Variants in GPI observed in about 807,000 individuals in gnomAD.
GPI encodes the protein glucose-6-phosphate isomerase.
GPI carries 56 observed loss-of-function variants against 75.8 expected under a neutral mutation model. That is an observed-to-expected ratio of 0.74 (90% CI 0.60 to 0.92). GPI has a LOEUF of 0.92. GPI is among the 40% of genes least tolerant of loss of function. GPI has a pLI of 0.00. For synonymous variants in GPI, 288 were observed against 285.4 expected, an observed-to-expected ratio of 1.01 and a Z score of -0.09; for missense variants, 638 against 741.0, an observed-to-expected ratio of 0.86 and a Z score of 1.61.
At position 34,399,938 on chromosome 19, in the gene GPI, C is replaced by G. The variant is rs146468881; in HGVS notation, c.1579C>G (p.Pro527Ala). The G allele has an allele frequency of 1.1e-5, 18 of 1,613,806 alleles. No homozygotes were observed. In the Middle Eastern group the frequency reaches 1.3e-3, roughly 118 times the overall value. The stretch of plus-strand genomic sequence containing the variant: ...AAAGCAGCTGGCTAAGAAAATAGAG[C>G]CTGAGCTTGATGGCAGTGCTCAAGT... ...LGKQLAKKIE[P>A]ELDGSAQVTS... is the part of the protein sequence containing the mutation. Residue 527 changes from proline to alanine, a missense_variant, in exon 18 of 18, where the codon CCT (proline) becomes GCT (alanine). Transcript: ENST00000356487.
upstream of GPI, among the ~76,000 whole-genome samples, chr19:34,360,216 C>T (rs1341162938): frequency 2.0e-5 from 3 of 152,144 alleles, no homozygotes; most frequent in East Asian, 5.8e-4. Context: ...CCTGGGGATT[C>T]TGAGCCCTAA....
At position 34,399,736 on chromosome 19, in the gene GPI, A is replaced by G; in HGVS notation, c.1492A>G (p.Ile498Val). The G allele has an allele frequency of 6.2e-7, 1 of 1,613,966 alleles. No individual in the cohort carries two copies. The highest frequency in any genetic ancestry group is 8.5e-7 in the Non-Finnish European group (1 of 1,180,002). Residue 498 changes from isoleucine to valine, a missense_variant, in exon 17 of 18, where the codon ATC (isoleucine) becomes GTC (valine). Coordinates refer to ENST00000356487, the MANE Select transcript of GPI (RefSeq NM_000175.5). The part of the protein sequence containing the change: ...GALVAMYEHK[I>V]FVQGIIWDIN... Reference sequence around the variant, plus strand: ...TTCTGCAGCCATGTATGAGCACAAGATCTTCGTTCAGGGCATCATCTGGGA... The same window carrying G: ...TTCTGCAGCCATGTATGAGCACAAGGTCTTCGTTCAGGGCATCATCTGGGA...
At chr19:34,370,213 A>C (rs374839292) in intron 4 of GPI, among the ~76,000 whole-genome samples, 1 of 152,120 alleles carries the variant, frequency 6.6e-6, no homozygotes, top group East Asian at 1.9e-4. Context: ...CTCAGTGTCT[A>C]CCCTAGCGGT....
chr19:34,383,375 T>C (rs773334443), intron 9 of GPI, among the ~76,000 whole-genome samples: 1 of 152,110 alleles, frequency 6.6e-6, no homozygotes, highest in Non-Finnish European at 1.5e-5. Flanking sequence ...GCCAAAGCTA[T>C]GTATGTGCAT....
At chr19:34,364,175 A>G (rs1465435309), upstream of GPI, among the ~76,000 whole-genome samples, 1 of 150,924 alleles carries the variant, frequency 6.6e-6, no homozygotes, top group African/African-American at 2.4e-5. Context: ...GCAGATATGC[A>G]CCACCACATG....
intron 4 of GPI, among the ~76,000 whole-genome samples, chr19:34,371,414 A>T (rs1465825529): frequency 1.2e-4 from 18 of 152,332 alleles, no homozygotes; most frequent in African/African-American, 4.1e-4. Flanking sequence ...CCTGGGCACC[A>T]ATAGGGATTA....
In GPI at chr19:34,394,086, GC is replaced by G. The variant is rs773358308; in HGVS notation, c.1062+22del. ...CAGCAGGTACCAGCTGCCAAGCCAG[GC>G]CTTGGAGTCAGCAAGATTTGTGGGG... is the stretch of plus-strand genomic sequence containing the variant. On this transcript the variant is annotated intron_variant, in intron 12 of 17. Coordinates refer to ENST00000356487, the MANE Select transcript of GPI (RefSeq NM_000175.5). 1 of 1,602,364 alleles carries G rather than the reference GC, an allele frequency of 6.2e-7. No individual in the cohort carries two copies. The highest frequency in any genetic ancestry group is 2.2e-5 in the East Asian group (1 of 44,836).
upstream of GPI, among the ~76,000 whole-genome samples, chr19:34,360,377 G>A (rs2074294957): frequency 6.6e-6 from 1 of 152,194 alleles, no homozygotes; most frequent in South Asian, 2.1e-4. Flanking sequence ...AAGATCTCTT[G>A]AAGCCAGGAA....
At chr19:34,388,304 C>T (rs2074768731) in intron 9 of GPI, among the ~76,000 whole-genome samples, 1 of 152,128 alleles carries the variant, frequency 6.6e-6, no homozygotes, top group South Asian at 2.1e-4. Flanking sequence ...CGGTGAAACC[C>T]CATCTCCTAA....
chr19:34,378,805 G>C, intron 6 of GPI, 129 bp from the exon 7 acceptor site: 1 of 747,650 alleles, frequency 1.3e-6, no homozygotes, highest in African/African-American at 1.7e-5. Context: ...TGGCGTCACT[G>C]TCACTGACCT....
In GPI at chr19:34,399,120, C is replaced by T. The variant is rs2074984889; in HGVS notation, c.1270-87C>T. ...AGCGAGTGACCCAGGCTGGGACTGA[C>T]CCCTGCTGAGAAGTACCAGGCGGTC... On this transcript the variant is annotated intron_variant, in intron 14 of 17. Transcript: ENST00000356487. The T allele has an allele frequency of 3.7e-6, 5 of 1,354,674 alleles. No homozygotes were observed. In the Admixed American group the frequency reaches 7.2e-5, roughly 20 times the overall value. The allele number at this position is 1,354,674 out of a possible 1,614,324, so 83.9% of individuals were successfully genotyped here.
intron 4 of GPI, among the ~76,000 whole-genome samples, chr19:34,376,222 G>C (rs755470326): frequency 6.6e-6 from 1 of 152,124 alleles, no homozygotes; most frequent in Non-Finnish European, 1.5e-5. Context: ...CCAGGAGTTA[G>C]AGACCAGGCT....
In GPI at chr19:34,399,989, G is replaced by A; in HGVS notation, c.1630G>A (p.Gly544Arg). 6.2e-7 allele frequency: 1 copy of A among 1,613,734 alleles called. No individual in the cohort carries two copies. Among genetic ancestry groups the A allele is most frequent in the Non-Finnish European group, 8.5e-7 (1 of 1,179,966 alleles). The change falls in exon 18 of 18, where the codon GGG becomes AGG. Residue 544 changes from glycine to arginine, a missense_variant. Coordinates refer to ENST00000356487, the MANE Select transcript of GPI (RefSeq NM_000175.5). ...QVTSHDASTN[G>R]LINFIKQQRE... ...GACCTCTCACGACGCTTCTACCAAT[G>A]GGCTCATCAACTTCATCAAGCAGCA...
chr19:34,381,536 C>T lies in GPI; in HGVS notation c.804+17C>T. On this transcript the variant is annotated intron_variant, in intron 9 of 17. Transcript: ENST00000356487. The stretch of plus-strand genomic sequence containing the variant: ...TTCTGGGATGTAAGTACAAGCACTT[C>T]TGCACTGGGTGAATTAAGTGTCCTT... The T allele has an allele frequency of 6.4e-7, 1 of 1,561,802 alleles. No individual in the cohort carries two copies. Among genetic ancestry groups the T allele is most frequent in the Non-Finnish European group, 8.8e-7 (1 of 1,132,658 alleles).
chr19:34,383,500 C>T (rs1280946284), intron 9 of GPI, among the ~76,000 whole-genome samples: 3 of 152,148 alleles, frequency 2.0e-5, no homozygotes, highest in African/African-American at 7.2e-5. Context: ...TGGCTGATTG[C>T]ACAAGTTTAG....
intron 12 of GPI, 121 bp from the exon 13 acceptor site, chr19:34,396,180 C>T (rs1008613230): frequency 2.3e-5 from 24 of 1,046,950 alleles, no homozygotes; most frequent in African/African-American, 3.1e-5. Context: ...TCAGGTGATC[C>T]GCCTGCCTTG....
intron 9 of GPI, among the ~76,000 whole-genome samples, chr19:34,383,686 T>C (rs2074689426): frequency 6.6e-6 from 1 of 152,108 alleles, no homozygotes; most frequent in East Asian, 1.9e-4. Context: ...CCTGGTGATA[T>C]GAGGCAAGGA....
At position 34,386,973 on chromosome 19, in the gene GPI, A is replaced by G. The variant is rs79948788; in HGVS notation, c.804+5454A>G. 5.5e-3 allele frequency among the ~76,000 whole-genome samples: 839 copies of G among 152,298 alleles called. 24 individuals carry two copies. Among genetic ancestry groups the G allele is most frequent in the East Asian group, 0.049 (255 of 5,168 alleles). ...GTGCTGACGTTAAGCAGAGATTGGC[A>G]GCATTGGATCTGTCTGTGAGACATG... is the stretch of plus-strand genomic sequence containing the variant. On this transcript the variant is annotated intron_variant, in intron 9 of 17. Coordinates refer to ENST00000356487, the MANE Select transcript of GPI (RefSeq NM_000175.5).
chr19:34,399,534 C>T (rs757919286), intron 15 of GPI, 22 bp from the exon 16 acceptor site: 1 of 1,610,272 alleles, frequency 6.2e-7, no homozygotes. Context: ...CTCTTGGAGA[C>T]ATTCCTTGGT....
Sources: gnomAD v4.1 joint callset for allele counts (sites outside exome capture counted in the v4.1 genomes callset) on GRCh38, gnomAD v4.1.1 for gene constraint, MANE v1.5 for transcripts, NCBI Gene and HGNC (gene_info 2026-07-23, HGNC 2026-07-21) for gene names.